Variants in MZT2A observed in about 807,000 individuals in gnomAD.
MZT2A encodes mitotic-spindle organizing protein 2A.
Under a neutral mutation model 12.4 loss-of-function variants are expected in MZT2A, and 8 were observed. That is an observed-to-expected ratio of 0.64 (90% CI 0.38 to 1.16). The LOEUF (loss-of-function observed/expected upper bound fraction) is 1.16, where lower values mean the gene tolerates loss of function less well. Ranked by LOEUF, MZT2A falls within the 50% of genes most tolerant of loss-of-function variation. The probability of loss-of-function intolerance (pLI) is 0.01; values close to 1 mark genes in which losing one functional copy is unlikely to be tolerated. For synonymous variants in MZT2A, 88 were observed against 107.5 expected, an observed-to-expected ratio of 0.82 and a Z score of 1.12; for missense variants, 181 against 223.6, an observed-to-expected ratio of 0.81 and a Z score of 1.22.
intron 2 of MZT2A, among the ~76,000 whole-genome samples, chr2:131,488,423 C>T (rs1679141255): frequency 6.6e-6 from 1 of 152,130 alleles, no homozygotes; most frequent in Admixed American, 6.5e-5. Context: ...ATCCAGAGGA[C>T]CCAGGGTGCC....
At chr2:131,492,680 C>G (rs1679391214), upstream of MZT2A, 1 of 1,263,210 alleles carries the variant, frequency 7.9e-7, no homozygotes, top group Non-Finnish European at 1.0e-6. Flanking sequence ...TGGCAGCACC[C>G]AGCCCAGTGC....
In MZT2A at chr2:131,476,096, C is replaced by T. The variant is rs554733114; in HGVS notation, c.279-3914G>A. ...GGCGGCCTGGCACCGGCGGGCCAAT[C>T]CCGTGCGGCGCGCACAGGCAGGAGG... is the stretch of plus-strand genomic sequence containing the variant. On this transcript the variant is annotated intron_variant and NMD_transcript_variant, in intron 2 of 4. Transcript: ENST00000427024. The T allele has an allele frequency of 6.4e-6, 10 of 1,564,298 alleles. No individual in the cohort carries two copies. The East Asian group carries it at 1.9e-4, about 30-fold the overall frequency.
At chr2:131,492,173 T>C (rs763791956) in intron 1 of MZT2A, 34 bp downstream of exon 1, 2 of 1,536,170 alleles carry the variant, frequency 1.3e-6, no homozygotes, top group South Asian at 1.2e-5. Flanking sequence ...CGGGGGTGTC[T>C]GGCGAGCATG....
chr2:131,487,477 A>AAAAT (rs994371038), intron 2 of MZT2A, among the ~76,000 whole-genome samples: 36 of 152,338 alleles, frequency 2.4e-4, no homozygotes, highest in Non-Finnish European at 3.8e-4. Context: ...GACTGTCTCA[A>AAAAT]AAATAAATAA....
intron 2 of MZT2A, among the ~76,000 whole-genome samples, chr2:131,485,879 C>T (rs10205604): frequency 0.016 from 2,481 of 151,976 alleles, 71 homozygotes; most frequent in African/African-American, 0.057. Flanking sequence ...ATGCCGTGGA[C>T]CCCCGCTCTT....
downstream of MZT2A, chr2:131,480,736 C>T (rs200206202): frequency 9.9e-6 from 16 of 1,611,070 alleles, no homozygotes; most frequent in South Asian, 3.3e-5. Context: ...GATTGGTGCC[C>T]GACTGGATTT....
At chr2:131,480,250 A>G (rs1469469665), downstream of MZT2A, 1 of 1,613,224 alleles carries the variant, frequency 6.2e-7, no homozygotes, top group Non-Finnish European at 8.5e-7. Context: ...GAGCCCTACA[A>G]CTCCATCCTG....
At position 131,492,387 on chromosome 2, in the gene MZT2A, C is replaced by G. The variant is rs1679368573; in HGVS notation, c.-11G>C. ...GCCCTGCGCCGCCATCCGCGAGGCCCGCCGAAAGGTGCGCCCCGCCCCGCC... is the reference window on the plus strand; with the variant it reads ...GCCCTGCGCCGCCATCCGCGAGGCCGGCCGAAAGGTGCGCCCCGCCCCGCC... On this transcript the variant is annotated 5_prime_UTR_variant, in exon 1 of 3. Transcript: ENST00000309451. 1.9e-5 allele frequency: 25 copies of G among 1,293,676 alleles called. No homozygotes were observed. The highest frequency in any genetic ancestry group is 2.3e-5 in the Non-Finnish European group (24 of 1,030,134). The allele number at this position is 1,293,676 out of a possible 1,614,324, so 80.1% of individuals were successfully genotyped here. A position where few individuals can be genotyped will look rare whatever the true frequency, so the allele number is the denominator to read the frequency against.
At chr2:131,474,934 G>T (rs1229983525) in intron 2 of MZT2A, among the ~76,000 whole-genome samples, 4 of 151,700 alleles carry the variant, frequency 2.6e-5, no homozygotes, top group Non-Finnish European at 4.4e-5. Flanking sequence ...CATCTCCAGG[G>T]TTGCACTTCT....
chr2:131,476,352 T>A (rs1423096908), intron 2 of MZT2A: 1 of 1,431,280 alleles, frequency 7.0e-7, no homozygotes, highest in African/African-American at 1.5e-5. Flanking sequence ...CACGGGATCG[T>A]TTCCTGGATC....
chr2:131,477,585 A>G (rs1378881655), intron 2 of MZT2A, among the ~76,000 whole-genome samples: 182 of 150,884 alleles, frequency 1.2e-3, no homozygotes, highest in African/African-American at 4.4e-3. Context: ...CCAGTATCCC[A>G]CTGCTGCCTG....
exon 3 of MZT2A, chr2:131,472,181 G>A (rs1342391259): frequency 8.5e-6 from 11 of 1,287,038 alleles, no homozygotes; most frequent in Admixed American, 2.3e-5. Context: ...TGTCACTCAA[G>A]CCTGTTTGAA....
intron 2 of MZT2A, among the ~76,000 whole-genome samples, chr2:131,475,372 G>T (rs1678623798): frequency 3.1e-5 from 4 of 128,548 alleles, no homozygotes. Context: ...CTGTTGCCCA[G>T]GCTGGAGTGT....
chr2:131,483,355 T>C (rs1185541996), downstream of MZT2A, among the ~76,000 whole-genome samples: 3 of 152,024 alleles, frequency 2.0e-5, no homozygotes, highest in Non-Finnish European at 2.9e-5. Context: ...CTGCACAGCA[T>C]TCGTGACCCA....
intron 1 of MZT2A, 52 bp downstream of exon 1, chr2:131,492,155 G>GC (rs1679346104): frequency 6.5e-6 from 10 of 1,536,542 alleles, no homozygotes; most frequent in Non-Finnish European, 8.8e-6. Context: ...TACCCGGAGA[G>GC]CAGAGGTCGG....
chr2:131,491,461 C>A, intron 2 of MZT2A: 1 of 319,470 alleles, frequency 3.1e-6, no homozygotes, highest in Non-Finnish European at 5.9e-6. Context: ...GAGACAGGAT[C>A]TCACCCTGTC....
At chr2:131,471,310 A>C (rs1246732678) in intron 3 of MZT2A, among the ~76,000 whole-genome samples, 3 of 140,618 alleles carry the variant, frequency 2.1e-5, no homozygotes, top group Non-Finnish European at 1.5e-5. Context: ...AATCTGCCCC[A>C]TTTTAGAGGA....
At chr2:131,487,901 G>T (rs1399269055) in intron 2 of MZT2A, among the ~76,000 whole-genome samples, 1 of 152,182 alleles carries the variant, frequency 6.6e-6, no homozygotes, top group Middle Eastern at 3.2e-3. Context: ...CAAGTAGTTG[G>T]AACTACAGAT....
At chr2:131,488,032 G>T (rs1319613139) in intron 2 of MZT2A, among the ~76,000 whole-genome samples, 5 of 152,170 alleles carry the variant, frequency 3.3e-5, no homozygotes, top group African/African-American at 1.2e-4. Context: ...CTCCCAAGGT[G>T]TGGTGGGTTT....
Sources: gnomAD v4.1 joint callset for allele counts (sites outside exome capture counted in the v4.1 genomes callset) on GRCh38, gnomAD v4.1.1 for gene constraint, MANE v1.5 for transcripts, NCBI Gene and HGNC (gene_info 2026-07-23, HGNC 2026-07-21) for gene names.